Variants in GALNT2 observed in about 807,000 individuals in gnomAD.
GALNT2 encodes the protein polypeptide N-acetylgalactosaminyltransferase 2.
A neutral mutation model predicts 81.4 loss-of-function variants in GALNT2; 31 were observed. The ratio of observed to expected loss-of-function variants is 0.38; its 90% CI spans 0.29 to 0.51. The LOEUF is 0.51. GALNT2 is among the 20% of genes least tolerant of loss of function. GALNT2 has a pLI of 0.87. For missense variants in GALNT2, 629 were observed against 765.7 expected, an observed-to-expected ratio of 0.82 and a Z score of 2.11; for synonymous variants, 303 against 287.4, an observed-to-expected ratio of 1.05 and a Z score of -0.55.
intron 1 of GALNT2, among the ~76,000 whole-genome samples, chr1:230,100,654 C>G (rs7537621): frequency 6.6e-6 from 1 of 151,918 alleles, no homozygotes; most frequent in Non-Finnish European, 1.5e-5. Context: ...TCCTGTGAGG[C>G]GTATGTAGTG....
At chr1:230,166,335 C>G (rs562832416) in intron 1 of GALNT2, among the ~76,000 whole-genome samples, 1 of 152,260 alleles carries the variant, frequency 6.6e-6, no homozygotes, top group Non-Finnish European at 1.5e-5. Flanking sequence ...CCCGCAGCGT[C>G]ACTCATGAGT....
intron 1 of GALNT2, among the ~76,000 whole-genome samples, chr1:230,141,549 C>T (rs1661733322): frequency 6.6e-6 from 1 of 152,108 alleles, no homozygotes; most frequent in South Asian, 2.1e-4. Context: ...CAGTATTTAT[C>T]CTTTTGTGAC....
At chr1:230,235,697 G>GGT (rs1379430384) in intron 3 of GALNT2, among the ~76,000 whole-genome samples, 9 of 152,088 alleles carry the variant, frequency 5.9e-5, no homozygotes, top group Non-Finnish European at 1.0e-4. Flanking sequence ...CATCTCTAGA[G>GGT]GTGTATCTGC....
chr1:230,155,617 A>G (rs1432967786), intron 1 of GALNT2, among the ~76,000 whole-genome samples: 1 of 152,216 alleles, frequency 6.6e-6, no homozygotes, highest in Non-Finnish European at 1.5e-5. Flanking sequence ...GGACAGTCCC[A>G]TGGGCAGAGC....
chr1:230,241,198 G>A (rs78951830), intron 6 of GALNT2, among the ~76,000 whole-genome samples: 1,886 of 152,224 alleles, frequency 0.012, 36 homozygotes, highest in African/African-American at 0.043. Context: ...ATCTCAGGGT[G>A]AACTTCTGAT....
intron 1 of GALNT2, among the ~76,000 whole-genome samples, chr1:230,128,817 T>A (rs1661275442): frequency 6.6e-6 from 1 of 152,176 alleles, no homozygotes. Flanking sequence ...AGCCCCCATC[T>A]TCCTATATGT....
rs1421363649 is a variant in GALNT2 at position 230,097,491 on chromosome 1, A to G, written c.126+30085A>G. ...TAGATACTTCTATTAGTGGAATCAT[A>G]CAGTATTTGTCCTTTTGTGACTGGC... On this transcript the variant is annotated intron_variant, in intron 1 of 15. Transcript: ENST00000366672. Among the ~76,000 whole-genome samples the G allele has an allele frequency of 3.3e-5, 5 of 152,170 alleles. No homozygotes were observed. The East Asian group carries it at 9.6e-4, about 29-fold the overall frequency.
rs1388426204 is a variant in GALNT2 at position 230,279,152 on chromosome 1, T to C, written c.1561-151T>C. On this transcript the variant is annotated intron_variant, in intron 15 of 15. Coordinates refer to ENST00000366672, the MANE Select transcript of GALNT2 (RefSeq NM_004481.5). This position sits in a 1 kb window ranked among gnomAD's most constrained non-coding sequence, Gnocchi z 4.6. ...TGTGGCTGGTTTCCTGTGGGGCTGC[T>C]GCAAGCTCCTCGGCCGTTCAGATGA... The C allele has an allele frequency of 4.0e-6, 3 of 754,918 alleles. No homozygotes were observed. The highest frequency in any genetic ancestry group is 1.8e-5 in the African/African-American group (1 of 55,134). 46.8% of individuals were successfully genotyped at this position (754,918 alleles called of 1,614,324 possible). A position where few individuals can be genotyped will look rare whatever the true frequency, so the allele number is the denominator to read the frequency against.
chr1:230,171,014 A>C (rs1482279242), intron 1 of GALNT2, among the ~76,000 whole-genome samples: 2 of 152,226 alleles, frequency 1.3e-5, no homozygotes, highest in Non-Finnish European at 2.9e-5. Context: ...CCAGTGAGTT[A>C]AAATTAAATT....
In GALNT2 at chr1:230,081,476, A is replaced by G. The variant is rs562158451; in HGVS notation, c.126+14070A>G. ...TTTTTCAACATCTTGAGCTGTTACT[A>G]TCTGAATATAGCGTGTTAATTTGAA... On this transcript the variant is annotated intron_variant, in intron 1 of 15. Transcript: ENST00000366672. 7.9e-5 allele frequency among the ~76,000 whole-genome samples: 10 copies of G among 126,014 alleles called. No homozygotes were observed. The South Asian group carries it at 3.2e-3, about 40-fold the overall frequency. The allele number at this position is 126,014 out of a possible 152,430, so 82.7% of individuals were successfully genotyped here. A position where few individuals can be genotyped will look rare whatever the true frequency, so the allele number is the denominator to read the frequency against.
chr1:230,141,849 T>C (rs1661750206), intron 1 of GALNT2, among the ~76,000 whole-genome samples: 1 of 142,566 alleles, frequency 7.0e-6, no homozygotes, highest in African/African-American at 2.6e-5. Flanking sequence ...CTGAAGTGCG[T>C]GCCACAATCA....
At chr1:230,131,158 A>G (rs1178344357) in intron 1 of GALNT2, among the ~76,000 whole-genome samples, 1 of 152,110 alleles carries the variant, frequency 6.6e-6, no homozygotes, top group Non-Finnish European at 1.5e-5. Flanking sequence ...ACCTTAACAT[A>G]TGTCCCTGAG....
At chr1:230,252,709 G>A (rs188257395) in intron 10 of GALNT2, among the ~76,000 whole-genome samples, 6 of 152,108 alleles carry the variant, frequency 3.9e-5, no homozygotes, top group African/African-American at 1.4e-4. Context: ...TCCCACAAAA[G>A]CCCTGGAAGG....
At chr1:230,179,175 G>A (rs1433572335) in intron 2 of GALNT2, among the ~76,000 whole-genome samples, 3 of 151,852 alleles carry the variant, frequency 2.0e-5, no homozygotes, top group Admixed American at 6.6e-5. Context: ...TCCATTGTCT[G>A]GGTGTATTAG....
At chr1:230,096,790 T>G (rs1660266695) in intron 1 of GALNT2, among the ~76,000 whole-genome samples, 1 of 152,228 alleles carries the variant, frequency 6.6e-6, no homozygotes, top group Non-Finnish European at 1.5e-5. Flanking sequence ...GACTTGAAAC[T>G]TAGAAGGTGC....
chr1:230,101,890 T>A (rs758768809), intron 1 of GALNT2, among the ~76,000 whole-genome samples: 1 of 152,158 alleles, frequency 6.6e-6, no homozygotes, highest in Non-Finnish European at 1.5e-5. Flanking sequence ...AGAGATTTAG[T>A]GGGGGCAGTT....
intron 14 of GALNT2, among the ~76,000 whole-genome samples, chr1:230,268,117 G>A (rs1036662709): frequency 8.5e-5 from 13 of 152,170 alleles, no homozygotes; most frequent in Middle Eastern, 3.2e-3. Flanking sequence ...AAAATCCACC[G>A]AAATGCCCTC....
In GALNT2 at chr1:230,100,666, T is replaced by C. The variant is rs139612193; in HGVS notation, c.126+33260T>C. Among the ~76,000 whole-genome samples the C allele has an allele frequency of 3.6e-3, 546 of 152,336 alleles. 4 individuals are homozygous for C. Among genetic ancestry groups the C allele is most frequent in the African/African-American group, 0.012 (518 of 41,570 alleles). On this transcript the variant is annotated intron_variant, in intron 1 of 15. Transcript: ENST00000366672. ...TAATCCTGTGAGGCGTATGTAGTGTTCACCTGATTTTGTAAATGTGTAGGC... is the reference window on the plus strand; with the variant it reads ...TAATCCTGTGAGGCGTATGTAGTGTCCACCTGATTTTGTAAATGTGTAGGC...
chr1:230,075,867 AAG>A (rs1407586130), intron 1 of GALNT2, among the ~76,000 whole-genome samples: 2 of 152,288 alleles, frequency 1.3e-5, no homozygotes, highest in East Asian at 3.9e-4. Flanking sequence ...AGCTGAGACT[AAG>A]AGGGAGCCAT....
Sources: allele counts gnomAD v4.1 joint callset (sites outside exome capture counted in the v4.1 genomes callset), GRCh38; gene constraint gnomAD v4.1.1; non-coding constraint Gnocchi (gnomAD v3.1); transcripts MANE v1.5; gene names NCBI Gene and HGNC (gene_info 2026-07-23, HGNC 2026-07-21).